Variants in RIT2 observed in about 807,000 individuals in gnomAD.
RIT2 encodes Ras like without CAAX 2.
A neutral mutation model predicts 23.7 loss-of-function variants in RIT2; 24 were observed. That is an observed-to-expected ratio of 1.01 (90% CI 0.73 to 1.43). The LOEUF (loss-of-function observed/expected upper bound fraction) is 1.43, where lower values mean the gene tolerates loss of function less well. Among genes scored for constraint, RIT2 ranks in the 40% most tolerant of loss-of-function variants. RIT2 has a pLI of 0.00. For missense variants in RIT2, 236 were observed against 266.9 expected (o/e 0.88, Z 0.81); for synonymous variants, 107 against 91.1 (o/e 1.17, Z -0.99).
chr18:42,829,155 T>C (rs899114742), intron 4 of RIT2, among the ~76,000 whole-genome samples: 4 of 152,140 alleles, frequency 2.6e-5, no homozygotes, highest in Non-Finnish European at 5.9e-5. Context: ...GACTATCCTC[T>C]TTACATGGCT....
At chr18:43,012,450 C>A (rs555954178) in intron 2 of RIT2, among the ~76,000 whole-genome samples, 7 of 151,578 alleles carry the variant, frequency 4.6e-5, no homozygotes, top group African/African-American at 1.7e-4. Flanking sequence ...ATTTATTCTG[C>A]GGGATTTGTA....
chr18:42,837,153 CTTTTT>C (rs570701535), intron 4 of RIT2, among the ~76,000 whole-genome samples: 37 of 51,702 alleles, frequency 7.2e-4, no homozygotes, highest in East Asian at 1.9e-3. Flanking sequence ...TTTTCTTTTT[CTTTTT>C]TTTTTTTTTT....
chr18:42,758,117 T>C (rs1868497563), intron 4 of RIT2, among the ~76,000 whole-genome samples: 1 of 152,100 alleles, frequency 6.6e-6, no homozygotes, highest in African/African-American at 2.4e-5. Flanking sequence ...AAGTCTCAAC[T>C]ATTTTTAGTG....
chr18:43,052,595 G>A (rs1210698246), intron 1 of RIT2, among the ~76,000 whole-genome samples: 2 of 152,020 alleles, frequency 1.3e-5, no homozygotes, highest in Non-Finnish European at 2.9e-5. Flanking sequence ...AAAAAGTCCA[G>A]GGGCTGGTGA....
intron 4 of RIT2, among the ~76,000 whole-genome samples, chr18:42,826,611 T>C (rs1906305024): frequency 1.3e-5 from 2 of 151,956 alleles, no homozygotes; most frequent in African/African-American, 4.8e-5. Flanking sequence ...ATCCCGTAGG[T>C]TGACATTATA....
At chr18:43,041,182 T>A (rs1372091886) in intron 1 of RIT2, among the ~76,000 whole-genome samples, 3 of 152,172 alleles carry the variant, frequency 2.0e-5, no homozygotes, top group African/African-American at 7.2e-5. Flanking sequence ...ACATAAACGC[T>A]TCTTTGAAAG....
chr18:42,759,607 A>G (rs1302739187), intron 4 of RIT2, among the ~76,000 whole-genome samples: 1 of 151,704 alleles, frequency 6.6e-6, no homozygotes, highest in African/African-American at 2.4e-5. Context: ...TTGCATTGAG[A>G]TAGGGGAGAC....
chr18:42,745,298 A>C (rs1045161885), intron 4 of RIT2, among the ~76,000 whole-genome samples: 23 of 152,264 alleles, frequency 1.5e-4, no homozygotes, highest in African/African-American at 5.3e-4. Context: ...AAAAACCTTC[A>C]TTATTTTAAG....
intron 4 of RIT2, among the ~76,000 whole-genome samples, chr18:42,800,884 A>G (rs1005288322): frequency 1.3e-5 from 2 of 151,964 alleles, no homozygotes; most frequent in African/African-American, 4.8e-5. Flanking sequence ...AGTTTCCTAT[A>G]TTGGAATTAT....
intron 3 of RIT2, among the ~76,000 whole-genome samples, chr18:42,928,325 A>G (rs1255930334): frequency 1.3e-5 from 2 of 152,076 alleles, no homozygotes; most frequent in Non-Finnish European, 2.9e-5. Flanking sequence ...AACGGCAAGA[A>G]CAGTTTTCAG....
chr18:43,026,604 G>GAAAGAAAT (rs1352918375), intron 2 of RIT2, among the ~76,000 whole-genome samples: 12 of 138,332 alleles, frequency 8.7e-5, no homozygotes, highest in African/African-American at 3.2e-4. Context: ...AAGAAAGAAA[G>GAAAGAAAT]AAAGAAAGAA....
rs577090103 is a variant in RIT2, at chr18:42,899,804, T to C, written c.426+23768A>G. 1.2e-4 allele frequency among the ~76,000 whole-genome samples: 19 copies of C among 152,290 alleles called. No homozygotes were observed. In the East Asian group the frequency reaches 2.9e-3, roughly 23 times the overall value. ...CTGTTAGACTTTAAGTTTGTTTATA[T>C]ATTAAATTAGCTTGTAGTTCCTTAC... On this transcript the variant is annotated intron_variant, in intron 4 of 4. Coordinates refer to ENST00000326695, the MANE Select transcript of RIT2 (RefSeq NM_002930.4).
chr18:42,928,818 T>C (rs1909248940), intron 3 of RIT2, among the ~76,000 whole-genome samples: 1 of 151,674 alleles, frequency 6.6e-6, no homozygotes, highest in Admixed American at 6.6e-5. Flanking sequence ...AGTCAAAATA[T>C]AATTAACAAA....
At chr18:42,874,821 A>T (rs1331875850) in intron 4 of RIT2, among the ~76,000 whole-genome samples, 1 of 152,060 alleles carries the variant, frequency 6.6e-6, no homozygotes, top group East Asian at 1.9e-4. Context: ...AGTTGTCCAT[A>T]GTTGGGGAAA....
chr18:42,819,147 C>T (rs2143989394), intron 4 of RIT2, among the ~76,000 whole-genome samples: 1 of 152,110 alleles, frequency 6.6e-6, no homozygotes, highest in South Asian at 2.1e-4. Context: ...ATAAATGTTT[C>T]TCTTTCTGCC....
intron 3 of RIT2, among the ~76,000 whole-genome samples, chr18:42,968,105 G>T (rs1033644430): frequency 2.6e-5 from 4 of 152,088 alleles, no homozygotes; most frequent in African/African-American, 9.7e-5. Flanking sequence ...ACATTTGCTT[G>T]GGCTACTAAA....
intron 4 of RIT2, among the ~76,000 whole-genome samples, chr18:42,899,207 A>G (rs1908411682): frequency 6.6e-6 from 1 of 151,514 alleles, no homozygotes; most frequent in Non-Finnish European, 1.5e-5. Flanking sequence ...TTTCAACTAC[A>G]TTGAATGTTG....
At chr18:42,868,992 C>A (rs1907546254) in intron 4 of RIT2, among the ~76,000 whole-genome samples, 1 of 152,178 alleles carries the variant, frequency 6.6e-6, no homozygotes, top group Non-Finnish European at 1.5e-5. Flanking sequence ...TGGCTGGAAG[C>A]TCCAGTTGGT....
intron 4 of RIT2, among the ~76,000 whole-genome samples, chr18:42,886,608 CT>C (rs1198024371): frequency 6.6e-6 from 1 of 152,148 alleles, no homozygotes; most frequent in Non-Finnish European, 1.5e-5. Context: ...GTTGTACTGC[CT>C]TTTCTGTAAT....
Sources: allele counts gnomAD v4.1 joint callset (sites outside exome capture counted in the v4.1 genomes callset), GRCh38; gene constraint gnomAD v4.1.1; transcripts MANE v1.5; gene names NCBI Gene and HGNC (gene_info 2026-07-23, HGNC 2026-07-21).